The following ITPRIP variants were observed in gnomAD, a reference collection of about 807,000 sequenced individuals.
The protein encoded by ITPRIP is inositol 1,4,5-trisphosphate receptor interacting protein, also known as inositol 1,4,5-trisphosphate receptor-interacting protein.
In ITPRIP, 32 loss-of-function variants were observed where a neutral mutation model predicts 35.8. The ratio of observed to expected loss-of-function variants is 0.89; its 90% CI spans 0.68 to 1.20. The LOEUF (loss-of-function observed/expected upper bound fraction) is 1.20, where lower values mean the gene tolerates loss of function less well. ITPRIP is among the 50% of genes most tolerant of loss of function. ITPRIP has a pLI of 0.00. For synonymous variants in ITPRIP, 358 were observed against 324.0 expected, an observed-to-expected ratio of 1.11 and a Z score of -1.13; for missense variants, 653 against 735.6, an observed-to-expected ratio of 0.89 and a Z score of 1.30.
chr10:104,315,522 C>T lies in ITPRIP; in HGVS notation c.530G>A (p.Ser177Asn), dbSNP rs754700971. The T allele has an allele frequency of 1.2e-6, 2 of 1,614,238 alleles. No individual in the cohort carries two copies. The highest frequency in any genetic ancestry group is 8.5e-7 in the Non-Finnish European group (1 of 1,180,036). Residue 177 changes from serine (S) to asparagine (N), a missense_variant, in exon 2 of 2, where the codon AGC (serine) becomes AAC (asparagine). Coordinates refer to ENST00000337478, the MANE Select transcript of ITPRIP (RefSeq NM_001272013.2). This position sits in a 1 kb window ranked among gnomAD's most constrained non-coding sequence, Gnocchi z 5.7. Reference sequence around the variant, plus strand: ...CATGTCGGTGTCCCGGTTGCAGAGGCTCCTCAGGGCTTCCAGCAAGTCATC... The same window carrying T: ...CATGTCGGTGTCCCGGTTGCAGAGGTTCCTCAGGGCTTCCAGCAAGTCATC... Reference protein sequence around the residue: ...FVDDLLEALRSLCNRDTDMEV... With the variant: ...FVDDLLEALRNLCNRDTDMEV...
rs975119953 is a variant in ITPRIP, at chr10:104,328,260, T to A, written c.-14+9986A>T. On this transcript the variant is annotated intron_variant, in intron 1 of 1. Coordinates refer to ENST00000337478, the MANE Select transcript of ITPRIP (RefSeq NM_001272013.2). The surrounding 1 kb of genome is among the most constrained non-coding windows in gnomAD (Gnocchi z 4.1). The stretch of plus-strand genomic sequence containing the variant: ...CCACTTCCCGTTGTCCTACATTGGC[T>A]TGGTCTGGGCTCGTATTCCTCCGAA... 1.0e-6 allele frequency: 1 copy of A among 985,432 alleles called. No individual in the cohort carries two copies. The highest frequency in any genetic ancestry group is 1.2e-6 in the Non-Finnish European group (1 of 829,934). 61.0% of individuals were successfully genotyped at this position (985,432 alleles called of 1,614,324 possible).
intron 1 of ITPRIP, among the ~76,000 whole-genome samples, chr10:104,318,039 T>C (rs2013735371): frequency 1.3e-5 from 2 of 152,114 alleles, no homozygotes; most frequent in African/African-American, 4.8e-5. Context: ...CTGAAGCACT[T>C]ACAGGTTTCC....
At chr10:104,321,525 C>A (rs890904368) in intron 1 of ITPRIP, among the ~76,000 whole-genome samples, 1 of 152,162 alleles carries the variant, frequency 6.6e-6, no homozygotes, top group Admixed American at 6.5e-5. Context: ...AGGCTTCCTT[C>A]CTTCACTGGG....
chr10:104,323,756 AG>A (rs2135194483), intron 1 of ITPRIP, among the ~76,000 whole-genome samples: 1 of 152,334 alleles, frequency 6.6e-6, no homozygotes, highest in African/African-American at 2.4e-5. Context: ...TCTCTCTAGC[AG>A]GGCTCACGCC....
At chr10:104,318,210 A>G (rs2013739938) in intron 1 of ITPRIP, among the ~76,000 whole-genome samples, 1 of 152,226 alleles carries the variant, frequency 6.6e-6, no homozygotes, top group South Asian at 2.1e-4. Context: ...TGGTTTCTAC[A>G]TTAGAGAAAC....
rs1045486389 is a variant in ITPRIP, at chr10:104,313,920, T to A, written c.*488A>T. Reference sequence around the variant, plus strand: ...GATCAAAGGTGGACATTCCCATATCTGTCCCTGTTAGTGCTTTGGCTGCAG... The same window carrying A: ...GATCAAAGGTGGACATTCCCATATCAGTCCCTGTTAGTGCTTTGGCTGCAG... On this transcript the variant is annotated 3_prime_UTR_variant, in exon 2 of 2. Transcript: ENST00000337478. 5.1e-6 allele frequency: 5 copies of A among 988,892 alleles called. No individual in the cohort carries two copies. The highest frequency in any genetic ancestry group is 2.4e-6 in the Non-Finnish European group (2 of 832,352). 61.3% of individuals were successfully genotyped at this position (988,892 alleles called of 1,614,324 possible).
At chr10:104,337,249 G>C (rs1307029335) in intron 1 of ITPRIP, among the ~76,000 whole-genome samples, 1 of 152,124 alleles carries the variant, frequency 6.6e-6, no homozygotes, top group African/African-American at 2.4e-5. Flanking sequence ...AAAGGCAAGA[G>C]CACTGGGTCA....
At chr10:104,317,186 C>T (rs1420582775) in intron 1 of ITPRIP, among the ~76,000 whole-genome samples, 1 of 152,176 alleles carries the variant, frequency 6.6e-6, no homozygotes, top group East Asian at 1.9e-4. Context: ...TGATGATGAC[C>T]AGAGAGCAAA....
chr10:104,322,761 G>C (rs1232391994), intron 1 of ITPRIP, among the ~76,000 whole-genome samples: 2 of 152,242 alleles, frequency 1.3e-5, no homozygotes, highest in Non-Finnish European at 2.9e-5. Context: ...AAAAGGAGTA[G>C]CTGATAGGTT....
chr10:104,314,002 G>A lies in ITPRIP; in HGVS notation c.*406C>T. 3 of 1,006,502 alleles carry A rather than the reference G, an allele frequency of 3.0e-6. No homozygotes were observed. Among genetic ancestry groups the A allele is most frequent in the Non-Finnish European group, 3.6e-6 (3 of 842,316 alleles). 62.3% of individuals were successfully genotyped at this position (1,006,502 alleles called of 1,614,324 possible). On this transcript the variant is annotated 3_prime_UTR_variant, in exon 2 of 2. Transcript: ENST00000337478. ...GTGCTGGGTCTTAACACGGTTCCCT[G>A]TCAGCATTCTTGTAGATCCTCTGCT...
chr10:104,325,614 G>C (rs2013980069), intron 1 of ITPRIP, among the ~76,000 whole-genome samples: 1 of 152,244 alleles, frequency 6.6e-6, no homozygotes, highest in African/African-American at 2.4e-5. Context: ...AAGAGGCTTT[G>C]TTGGGTTGGC....
intron 1 of ITPRIP, among the ~76,000 whole-genome samples, chr10:104,319,246 G>T (rs1400402336): frequency 6.6e-6 from 1 of 152,206 alleles, no homozygotes; most frequent in Non-Finnish European, 1.5e-5. Context: ...TGGGACGGGT[G>T]AGTGAGATCA....
chr10:104,316,205 C>T, intron 1 of ITPRIP, 141 bp from the exon 2 acceptor site: 1 of 708,650 alleles, frequency 1.4e-6, no homozygotes. Flanking sequence ...CCTGCGGCTG[C>T]CTCAGGAGCT....
rs1050759563 is a variant in ITPRIP, at chr10:104,314,308, C to T, written c.*100G>A. On this transcript the variant is annotated 3_prime_UTR_variant, in exon 2 of 2. Coordinates refer to ENST00000337478, the MANE Select transcript of ITPRIP (RefSeq NM_001272013.2). ...GGCTGAGCACGGCTCCCACGAAAGC[C>T]CGCCTTGTCCCCAGAACAGGGCTGG... 1 of 1,514,886 alleles carries T rather than the reference C, an allele frequency of 6.6e-7. No individual in the cohort carries two copies. The highest frequency in any genetic ancestry group is 8.8e-7 in the Non-Finnish European group (1 of 1,134,146). 93.8% of individuals were successfully genotyped at this position (1,514,886 alleles called of 1,614,324 possible).
rs1287452410 is a variant in ITPRIP, at chr10:104,313,919, C to T, written c.*489G>A. On this transcript the variant is annotated 3_prime_UTR_variant, in exon 2 of 2. Transcript: ENST00000337478. ...GGATCAAAGGTGGACATTCCCATAT[C>T]TGTCCCTGTTAGTGCTTTGGCTGCA... is the stretch of plus-strand genomic sequence containing the variant. 2.0e-6 allele frequency: 2 copies of T among 988,876 alleles called. No individual in the cohort carries two copies. Among genetic ancestry groups the T allele is most frequent in the Admixed American group, 5.9e-5 (1 of 16,874 alleles). 61.3% of individuals were successfully genotyped at this position (988,876 alleles called of 1,614,324 possible). A position where few individuals can be genotyped will look rare whatever the true frequency, so the allele number is the denominator to read the frequency against.
Position 104,315,938 on chromosome 10 carries a change from G to A in ITPRIP, c.114C>T (p.Ile38=), listed in dbSNP as rs1319630287. 3 of 1,613,962 alleles carry A rather than the reference G, an allele frequency of 1.9e-6. No individual in the cohort carries two copies. In the Admixed American group the frequency reaches 5.0e-5, roughly 27 times the overall value. Residue 38 remains isoleucine (I), a synonymous_variant, in exon 2 of 2, where the codon ATC becomes ATT. Coordinates refer to ENST00000337478, the MANE Select transcript of ITPRIP (RefSeq NM_001272013.2). This position sits in a 1 kb window ranked among gnomAD's most constrained non-coding sequence, Gnocchi z 5.7. ...ATVPENEEEI[I]RKMQAHQEKL... ...TCTCCTGGTGCGCCTGCATCTTGCG[G>A]ATGATCTCCTCCTCGTTCTCGGGGA...
At position 104,315,931 on chromosome 10, in the gene ITPRIP, T is replaced by C. The variant is rs778634513; in HGVS notation, c.121A>G (p.Met41Val). The C allele has an allele frequency of 6.2e-7, 1 of 1,613,950 alleles. No homozygotes were observed. Among genetic ancestry groups the C allele is most frequent in the Non-Finnish European group, 8.5e-7 (1 of 1,180,014 alleles). ...PENEEEIIRK[M>V]QAHQEKLQLE... ...TGCAGCTTCTCCTGGTGCGCCTGCA[T>C]CTTGCGGATGATCTCCTCCTCGTTC... Residue 41 changes from methionine to valine, a missense_variant, in exon 2 of 2, where the codon ATG becomes GTG. Transcript: ENST00000337478. The surrounding 1 kb of genome is among the most constrained non-coding windows in gnomAD (Gnocchi z 5.7).
At chr10:104,336,069 C>T (rs2014227788) in intron 1 of ITPRIP, among the ~76,000 whole-genome samples, 1 of 152,214 alleles carries the variant, frequency 6.6e-6, no homozygotes, top group Non-Finnish European at 1.5e-5. Context: ...GCTCACATGC[C>T]ACTTATCCAG....
Position 104,316,171 on chromosome 10 carries a change from T to C in ITPRIP, c.-13-107A>G, listed in dbSNP as rs1402145024. ...TCAGGGCTGGTTAAGGTCTTAGTTC[T>C]CCCACCCAACCCATCGAGAGCTCCC... On this transcript the variant is annotated intron_variant, in intron 1 of 1. Transcript: ENST00000337478. 3 of 973,654 alleles carry C rather than the reference T, an allele frequency of 3.1e-6. No individual in the cohort carries two copies. In the South Asian group the frequency reaches 5.3e-5, roughly 17 times the overall value. 60.3% of individuals were successfully genotyped at this position (973,654 alleles called of 1,614,324 possible). A position where few individuals can be genotyped will look rare whatever the true frequency, so the allele number is the denominator to read the frequency against.
Sources: gnomAD v4.1 joint callset for allele counts (sites outside exome capture counted in the v4.1 genomes callset) on GRCh38, gnomAD v4.1.1 for gene constraint, Gnocchi (gnomAD v3.1) non-coding constraint, MANE v1.5 for transcripts, NCBI Gene and HGNC (gene_info 2026-07-23, HGNC 2026-07-21) for gene names.